SLC44A3: variants seen among roughly 807,000 people sequenced by gnomAD.
SLC44A3 encodes solute carrier family 44 member 3.
A neutral mutation model predicts 75.4 loss-of-function variants in SLC44A3; 74 were observed. The ratio of observed to expected loss-of-function variants is 0.98; its 90% CI spans 0.81 to 1.19. The LOEUF (loss-of-function observed/expected upper bound fraction) is 1.19, where lower values mean the gene tolerates loss of function less well. SLC44A3 is among the 50% of genes most tolerant of loss of function. The probability of loss-of-function intolerance (pLI) is 0.00; values close to 1 mark genes in which losing one functional copy is unlikely to be tolerated. For synonymous variants in SLC44A3, 310 were observed against 296.9 expected (o/e 1.04, Z -0.45); for missense variants, 700 against 778.6 (o/e 0.90, Z 1.20).
chr1:94,842,506 A>C (rs960898960), intron 8 of SLC44A3, among the ~76,000 whole-genome samples: 1 of 152,224 alleles, frequency 6.6e-6, no homozygotes, highest in Non-Finnish European at 1.5e-5. Flanking sequence ...GCCCTCTAGC[A>C]CACAGAGCCC....
intron 10 of SLC44A3, among the ~76,000 whole-genome samples, chr1:94,860,366 A>T (rs1666430964): frequency 1.3e-5 from 2 of 152,226 alleles, no homozygotes; most frequent in Admixed American, 1.3e-4. Context: ...GAGACACAAA[A>T]TAAGAGAGAA....
At chr1:94,840,095 A>G in intron 7 of SLC44A3, 58 bp downstream of exon 7, 1 of 1,445,486 alleles carries the variant, frequency 6.9e-7, no homozygotes, top group Non-Finnish European at 9.7e-7. Flanking sequence ...CCTTTACATT[A>G]AGTACAGAAC....
chr1:94,846,395 T>C (rs976854892), intron 9 of SLC44A3, among the ~76,000 whole-genome samples: 1 of 152,176 alleles, frequency 6.6e-6, no homozygotes, highest in Admixed American at 6.6e-5. Context: ...TATATGTTCT[T>C]GTAAAGCTCC....
At chr1:94,864,973 C>T (rs956313432) in intron 11 of SLC44A3, 74 bp downstream of exon 11, 1 of 1,517,752 alleles carries the variant, frequency 6.6e-7, no homozygotes, top group African/African-American at 1.4e-5. Flanking sequence ...AAAACTACAG[C>T]AGGTCCCAGG....
chr1:94,837,722 C>A lies in SLC44A3; in HGVS notation c.521C>A (p.Pro174His). Residue 174 changes from proline to histidine, a missense_variant, in exon 6 of 15, where the codon CCC becomes CAC. By Grantham distance (77) the Pro-to-His change is moderately conservative. Coordinates refer to ENST00000271227, the MANE Select transcript of SLC44A3 (RefSeq NM_001114106.3). ...TTCTCTATTTTTAGCAAGTCATTTC[C>A]CTTATTTAACCGATGTGTCCCTCAA... ...RLPVPPSKSF[P>H]LFNRCVPQTP... 6.4e-7 allele frequency: 1 copy of A among 1,569,798 alleles called. No individual in the cohort carries two copies. Among genetic ancestry groups the A allele is most frequent in the Non-Finnish European group, 8.6e-7 (1 of 1,161,600 alleles).
Position 94,885,224 on chromosome 1 carries a change from CAA to C in SLC44A3, c.1483-5888_1483-5887del, listed in dbSNP as rs60440950. ...TGGGCGACAGAGTGAGACTCCCTCT[CAA>C]AAAAAAAAAAAAAAAAAGAGGCAGC... On this transcript the variant is annotated intron_variant, in intron 12 of 14. Coordinates refer to ENST00000271227, the MANE Select transcript of SLC44A3 (RefSeq NM_001114106.3). Among the ~76,000 whole-genome samples, 673 of 82,838 alleles carry C rather than the reference CAA, an allele frequency of 8.1e-3. 14 individuals are homozygous for C. Among genetic ancestry groups the C allele is most frequent in the African/African-American group, 0.031 (642 of 20,916 alleles). 54.3% of individuals were successfully genotyped at this position (82,838 alleles called of 152,430 possible).
chr1:94,877,084 T>A (rs1208580512), intron 12 of SLC44A3, among the ~76,000 whole-genome samples: 1 of 151,180 alleles, frequency 6.6e-6, no homozygotes, highest in Non-Finnish European at 1.5e-5. Context: ...ACCAGGACCC[T>A]GGAAGTGGTC....
chr1:94,860,203 C>CTAGG (rs1188001796), intron 10 of SLC44A3, among the ~76,000 whole-genome samples: 1 of 152,046 alleles, frequency 6.6e-6, no homozygotes, highest in Non-Finnish European at 1.5e-5. Context: ...AGATGTATTG[C>CTAGG]TAGGATCCCC....
intron 12 of SLC44A3, chr1:94,888,740 T>TC (rs1669878182): frequency 1.0e-6 from 1 of 982,072 alleles, no homozygotes; most frequent in Non-Finnish European, 1.2e-6. Flanking sequence ...CTTTTGTCTT[T>TC]TTTTTTTGAG....
intron 11 of SLC44A3, among the ~76,000 whole-genome samples, chr1:94,866,295 T>G (rs772601564): frequency 6.6e-6 from 1 of 152,182 alleles, no homozygotes; most frequent in Non-Finnish European, 1.5e-5. Context: ...AAACGGCCTT[T>G]CATAAATCTA....
chr1:94,826,110 T>A (rs1348202895), intron 3 of SLC44A3, among the ~76,000 whole-genome samples: 1 of 152,204 alleles, frequency 6.6e-6, no homozygotes, highest in East Asian at 1.9e-4. Flanking sequence ...GAGGATGTCA[T>A]GCCAAGTGAA....
In SLC44A3 at chr1:94,862,193, A is replaced by G. The variant is rs201911618; in HGVS notation, c.1239-2550A>G. ...TTGCAGTGATTTTGTTGTAAGAAAT[A>G]CTGGAAGAGACATGGTCTCTACAGG... On this transcript the variant is annotated intron_variant, in intron 10 of 14. Coordinates refer to ENST00000271227, the MANE Select transcript of SLC44A3 (RefSeq NM_001114106.3). Among the ~76,000 whole-genome samples, 18 of 152,344 alleles carry G rather than the reference A, an allele frequency of 1.2e-4. No homozygotes were observed. In the East Asian group the frequency reaches 3.5e-3, roughly 29 times the overall value.
intron 5 of SLC44A3, among the ~76,000 whole-genome samples, chr1:94,832,221 G>A (rs921754128): frequency 1.3e-5 from 2 of 152,052 alleles, no homozygotes; most frequent in Admixed American, 6.6e-5. Context: ...AATCTCGAAA[G>A]GCGTAGCAGT....
chr1:94,860,012 A>G (rs1415294580), intron 10 of SLC44A3, among the ~76,000 whole-genome samples: 3 of 152,240 alleles, frequency 2.0e-5, no homozygotes, highest in East Asian at 1.9e-4. Context: ...CTTCCAGGTC[A>G]TTCTGGAGAG....
At chr1:94,862,347 C>T (rs140081452) in intron 10 of SLC44A3, among the ~76,000 whole-genome samples, 44 of 152,198 alleles carry the variant, frequency 2.9e-4, no homozygotes, top group African/African-American at 1.1e-3. Flanking sequence ...TTAGTGAGCA[C>T]GAGGCTGGAT....
chr1:94,849,745 T>A (rs1664957570), intron 9 of SLC44A3, among the ~76,000 whole-genome samples: 1 of 152,132 alleles, frequency 6.6e-6, no homozygotes, highest in South Asian at 2.1e-4. Context: ...GTTGTTTGTT[T>A]GTTTTTGTGT....
intron 12 of SLC44A3, among the ~76,000 whole-genome samples, chr1:94,872,765 GC>G (rs1362307415): frequency 6.6e-6 from 1 of 152,338 alleles, no homozygotes; most frequent in East Asian, 1.9e-4. Flanking sequence ...GCACAGTGCT[GC>G]CCCACAGCAT....
In SLC44A3 at chr1:94,837,883, T is replaced by C. The variant is rs1235593732; in HGVS notation, c.670+12T>C. The C allele has an allele frequency of 6.3e-7, 1 of 1,579,438 alleles. No individual in the cohort carries two copies. The highest frequency in any genetic ancestry group is 8.6e-7 in the Non-Finnish European group (1 of 1,165,078). ...TATCCTCGCATTAGGTAATTCTCAG[T>C]TAAGTTAATTTTAATAGTTGTTTAT... On this transcript the variant is annotated intron_variant, in intron 6 of 14. Transcript: ENST00000271227.
intron 12 of SLC44A3, among the ~76,000 whole-genome samples, chr1:94,881,790 G>T (rs571814298): frequency 6.8e-6 from 1 of 147,278 alleles, no homozygotes; most frequent in Non-Finnish European, 1.5e-5. Flanking sequence ...GAGGCGGGTG[G>T]ATCACAGGTC....
Sources: allele counts gnomAD v4.1 joint callset (sites outside exome capture counted in the v4.1 genomes callset), GRCh38; gene constraint gnomAD v4.1.1; transcripts MANE v1.5; gene names NCBI Gene and HGNC (gene_info 2026-07-23, HGNC 2026-07-21).